PPP1R9A: variants seen among roughly 807,000 people sequenced by gnomAD.
PPP1R9A encodes protein phosphatase 1 regulatory subunit 9A.
Under a neutral mutation model 141.9 loss-of-function variants are expected in PPP1R9A, and 59 were observed. The ratio of observed to expected loss-of-function variants is 0.42; its 90% CI spans 0.34 to 0.52. PPP1R9A has a LOEUF of 0.52. Ranked by LOEUF, PPP1R9A falls within the 20% of genes least tolerant of loss-of-function variation. The pLI, the probability that PPP1R9A is intolerant of heterozygous loss-of-function variation, is 0.10. For synonymous variants in PPP1R9A, 500 were observed against 569.7 expected (o/e 0.88, Z 1.74); for missense variants, 1,444 against 1,611.9 (o/e 0.90, Z 1.78).
At chr7:95,039,878 A>T (rs1055022494) in intron 2 of PPP1R9A, among the ~76,000 whole-genome samples, 16 of 152,320 alleles carry the variant, frequency 1.1e-4, no homozygotes, top group African/African-American at 3.1e-4. Context: ...TCTAAAATTA[A>T]TGACAGATAG....
chr7:94,919,024 G>T (rs1378011037), intron 2 of PPP1R9A, among the ~76,000 whole-genome samples: 16 of 152,202 alleles, frequency 1.1e-4, no homozygotes, highest in Non-Finnish European at 1.5e-5. Context: ...AGGTTTATGT[G>T]GCTGAGAGGA....
chr7:95,134,736 A>G (rs568709566), intron 4 of PPP1R9A, among the ~76,000 whole-genome samples: 64 of 152,312 alleles, frequency 4.2e-4, no homozygotes, highest in Non-Finnish European at 7.8e-4. Context: ...CGCCCGGCCT[A>G]TGTTAGACTC....
chr7:95,247,399 T>C, intron 8 of PPP1R9A, 74 bp from the exon 9 acceptor site: 2 of 1,266,248 alleles, frequency 1.6e-6, no homozygotes, highest in Non-Finnish European at 2.3e-6. Flanking sequence ...TAAGGCATTC[T>C]TGTAGCTGCT....
At chr7:94,914,434 T>C (rs1283694964) in intron 2 of PPP1R9A, among the ~76,000 whole-genome samples, 6 of 152,210 alleles carry the variant, frequency 3.9e-5, no homozygotes, top group African/African-American at 1.4e-4. Flanking sequence ...CTTGTACATA[T>C]ACCTTGATTT....
chr7:95,249,689 C>T (rs1025090030), intron 9 of PPP1R9A, among the ~76,000 whole-genome samples: 9 of 152,090 alleles, frequency 5.9e-5, no homozygotes, highest in Non-Finnish European at 2.9e-5. Context: ...ACTCTCAAAA[C>T]ATGTTGACAT....
chr7:95,098,160 G>C (rs1402023644), intron 2 of PPP1R9A: 1 of 152,164 alleles, frequency 6.6e-6, no homozygotes, highest in Non-Finnish European at 1.5e-5. Context: ...GTGACACTTG[G>C]ATTGATGTTT....
chr7:95,154,018 A>C (rs548635221), intron 4 of PPP1R9A, among the ~76,000 whole-genome samples: 1 of 151,538 alleles, frequency 6.6e-6, no homozygotes, highest in South Asian at 2.1e-4. Flanking sequence ...GATTTTGTTT[A>C]TTTTGATCTT....
At chr7:94,988,623 T>A (rs1801131456) in intron 2 of PPP1R9A, among the ~76,000 whole-genome samples, 1 of 152,040 alleles carries the variant, frequency 6.6e-6, no homozygotes, top group African/African-American at 2.4e-5. Context: ...TCTTAACCTT[T>A]ATTGAAAACA....
At chr7:95,066,272 C>A (rs1812936287) in intron 2 of PPP1R9A, among the ~76,000 whole-genome samples, 1 of 152,200 alleles carries the variant, frequency 6.6e-6, no homozygotes, top group Admixed American at 6.5e-5. Flanking sequence ...GAAACCTACC[C>A]TGCCAACACC....
At chr7:95,021,491 A>G (rs1805957574) in intron 2 of PPP1R9A, among the ~76,000 whole-genome samples, 1 of 150,670 alleles carries the variant, frequency 6.6e-6, no homozygotes, top group South Asian at 2.1e-4. Context: ...CCATTTGTCA[A>G]TTTTGGCTTT....
intron 2 of PPP1R9A, among the ~76,000 whole-genome samples, chr7:94,939,887 T>C (rs1477698011): frequency 2.0e-5 from 3 of 151,576 alleles, no homozygotes; most frequent in South Asian, 2.1e-4. Context: ...CCCAAACTTA[T>C]AGACACCTAA....
At chr7:95,229,843 C>T (rs552041535) in intron 8 of PPP1R9A, among the ~76,000 whole-genome samples, 1 of 151,944 alleles carries the variant, frequency 6.6e-6, no homozygotes, top group Non-Finnish European at 1.5e-5. Flanking sequence ...CAACTCCTGG[C>T]TGGAATCCAA....
At chr7:95,073,504 C>G (rs1814308877) in intron 2 of PPP1R9A, among the ~76,000 whole-genome samples, 1 of 151,724 alleles carries the variant, frequency 6.6e-6, no homozygotes, top group Non-Finnish European at 1.5e-5. Flanking sequence ...ACATTTGCAG[C>G]TACCTTTCTC....
intron 8 of PPP1R9A, among the ~76,000 whole-genome samples, chr7:95,240,508 TTTGTC>T (rs1296962180): frequency 6.6e-6 from 1 of 152,038 alleles, no homozygotes; most frequent in Non-Finnish European, 1.5e-5. Flanking sequence ...GTTTCTTAAA[TTTGTC>T]TTGTCATATC....
intron 2 of PPP1R9A, among the ~76,000 whole-genome samples, chr7:95,072,072 C>A (rs905364620): frequency 6.6e-6 from 1 of 151,008 alleles, no homozygotes; most frequent in Non-Finnish European, 1.5e-5. Context: ...TGAACAAATT[C>A]TATTTTATTA....
intron 2 of PPP1R9A, among the ~76,000 whole-genome samples, chr7:94,963,857 TG>T (rs34648153): frequency 0.073 from 11,147 of 152,220 alleles, 494 homozygotes; most frequent in East Asian, 0.14. Context: ...TGGCCTCATG[TG>T]GGGGCATTGT....
At chr7:95,161,186 GT>G (rs202222028) in intron 4 of PPP1R9A, among the ~76,000 whole-genome samples, 2 of 147,368 alleles carry the variant, frequency 1.4e-5, no homozygotes, top group African/African-American at 5.0e-5. Flanking sequence ...GCATCTGTTT[GT>G]TTTTTTTTTA....
At chr7:95,120,926 T>G in intron 4 of PPP1R9A, 94 bp downstream of exon 4, 2 of 1,456,042 alleles carry the variant, frequency 1.4e-6, no homozygotes, top group Non-Finnish European at 1.9e-6. Context: ...GTTTGTTGAT[T>G]TTTTAGGATA....
intron 2 of PPP1R9A, among the ~76,000 whole-genome samples, chr7:95,106,076 G>A (rs1386585215): frequency 6.6e-6 from 1 of 152,080 alleles, no homozygotes; most frequent in Non-Finnish European, 1.5e-5. Flanking sequence ...GCAATATGGT[G>A]AGACCCCAAT....
Sources: allele counts gnomAD v4.1 joint callset (sites outside exome capture counted in the v4.1 genomes callset), GRCh38; gene constraint gnomAD v4.1.1; transcripts MANE v1.5; gene names NCBI Gene and HGNC (gene_info 2026-07-23, HGNC 2026-07-21).